MAML3: variants seen among roughly 807,000 people sequenced by gnomAD.
The protein encoded by MAML3 is mastermind-like protein 3.
Under a neutral mutation model 101.9 loss-of-function variants are expected in MAML3, and 27 were observed. The observed-to-expected ratio is 0.27, with a 90% CI of 0.20 to 0.37. The LOEUF (loss-of-function observed/expected upper bound fraction) is 0.37. Among genes scored for constraint, MAML3 ranks in the 10% least tolerant of loss-of-function variants. The probability of loss-of-function intolerance (pLI) is 1.00; values close to 1 mark genes in which losing one functional copy is unlikely to be tolerated. For missense variants in MAML3, 1,316 were observed against 1,444.9 expected (o/e 0.91, Z 1.45); for synonymous variants, 501 against 555.9 (o/e 0.90, Z 1.39).
intron 2 of MAML3, among the ~76,000 whole-genome samples, chr4:139,765,981 T>C (rs1249598304): frequency 6.6e-6 from 1 of 151,934 alleles, no homozygotes; most frequent in Non-Finnish European, 1.5e-5. Flanking sequence ...AGTGAGACCC[T>C]CTCTCAAAAT....
At chr4:139,804,600 G>A (rs1470405972) in intron 2 of MAML3, among the ~76,000 whole-genome samples, 1 of 152,134 alleles carries the variant, frequency 6.6e-6, no homozygotes, top group Non-Finnish European at 1.5e-5. Flanking sequence ...ATGGATCCCA[G>A]TAAGACTAGA....
At chr4:139,955,390 A>G (rs1041581593) in intron 1 of MAML3, among the ~76,000 whole-genome samples, 3 of 152,086 alleles carry the variant, frequency 2.0e-5, no homozygotes, top group Non-Finnish European at 4.4e-5. Flanking sequence ...AGAGGTATTC[A>G]ATTTAAATCC....
chr4:139,845,236 G>A (rs1304875212), intron 2 of MAML3, among the ~76,000 whole-genome samples: 1 of 152,194 alleles, frequency 6.6e-6, no homozygotes, highest in Non-Finnish European at 1.5e-5. Flanking sequence ...TGGGAAAGAA[G>A]AAGTGAGGGT....
In MAML3 at chr4:139,975,078, C is replaced by G. The variant is rs569962647; in HGVS notation, c.469-84111G>C. On this transcript the variant is annotated intron_variant, in intron 1 of 4. Coordinates refer to ENST00000509479, the MANE Select transcript of MAML3 (RefSeq NM_018717.5). Reference sequence around the variant, plus strand: ...GATCCTATTAACCTGCAAGTCAGATCACACCATTCTCTTCTCAGAGCCATC... The same window carrying G: ...GATCCTATTAACCTGCAAGTCAGATGACACCATTCTCTTCTCAGAGCCATC... Among the ~76,000 whole-genome samples the G allele has an allele frequency of 7.9e-5, 12 of 152,194 alleles. No homozygotes were observed. The East Asian group carries it at 1.2e-3, about 15-fold the overall frequency.
chr4:140,124,578 G>T (rs1364127670), intron 1 of MAML3, among the ~76,000 whole-genome samples: 4 of 152,072 alleles, frequency 2.6e-5, no homozygotes, highest in Non-Finnish European at 5.9e-5. Flanking sequence ...ATAAAATCTA[G>T]GTGAAAGAAT....
intron 1 of MAML3, among the ~76,000 whole-genome samples, chr4:139,920,418 G>A (rs1460177197): frequency 2.0e-5 from 3 of 152,206 alleles, no homozygotes; most frequent in Non-Finnish European, 4.4e-5. Context: ...AGGTGTGTCT[G>A]TGCACTGGTG....
intron 2 of MAML3, among the ~76,000 whole-genome samples, chr4:139,852,725 G>A (rs533797143): frequency 6.6e-6 from 1 of 152,236 alleles, no homozygotes; most frequent in South Asian, 2.1e-4. Context: ...TGGACTGTGT[G>A]TTTTTAATTG....
chr4:140,093,603 T>A (rs578205804), intron 1 of MAML3, among the ~76,000 whole-genome samples: 153 of 151,890 alleles, frequency 1.0e-3, no homozygotes, highest in African/African-American at 3.4e-3. Flanking sequence ...ATTTTTTTTT[T>A]ATTTTTAGTA....
chr4:139,780,066 T>C (rs1578597351), intron 2 of MAML3, among the ~76,000 whole-genome samples: 1 of 152,224 alleles, frequency 6.6e-6, no homozygotes, highest in Non-Finnish European at 1.5e-5. Flanking sequence ...CCTAGAGCCA[T>C]GCTGTCCGAG....
intron 2 of MAML3, among the ~76,000 whole-genome samples, chr4:139,847,403 G>A (rs933686046): frequency 2.0e-5 from 3 of 152,094 alleles, no homozygotes; most frequent in Non-Finnish European, 4.4e-5. Flanking sequence ...ACGGAATCCC[G>A]CAGTGCTTGT....
At chr4:140,111,707 C>T (rs903834280) in intron 1 of MAML3, among the ~76,000 whole-genome samples, 1 of 152,108 alleles carries the variant, frequency 6.6e-6, no homozygotes, top group South Asian at 2.1e-4. Flanking sequence ...TGGGAGAATA[C>T]CCCACTTGTA....
chr4:140,056,725 G>A (rs1460585407), intron 1 of MAML3, among the ~76,000 whole-genome samples: 2 of 151,116 alleles, frequency 1.3e-5, no homozygotes, highest in East Asian at 2.0e-4. Flanking sequence ...CAGGAGAATC[G>A]CTTGAACCCG....
Position 140,051,518 on chromosome 4 carries a change from C to T in MAML3, c.468+101342G>A, listed in dbSNP as rs530316536. Among the ~76,000 whole-genome samples, 22 of 151,238 alleles carry T rather than the reference C, an allele frequency of 1.5e-4. No homozygotes were observed. In the East Asian group the frequency reaches 1.9e-3, roughly 13 times the overall value. On this transcript the variant is annotated intron_variant, in intron 1 of 4. Transcript: ENST00000509479. ...GTTGCAGTGAGCCGAAATCGAGCTA[C>T]TGCACTCCAGCCTGAGTGACAGAGA...
In MAML3 at chr4:139,911,620, A is replaced by C. The variant is rs368887494; in HGVS notation, c.469-20653T>G. Among the ~76,000 whole-genome samples the C allele has an allele frequency of 8.5e-5, 13 of 152,284 alleles. 1 individual carries two copies. In the South Asian group the frequency reaches 2.7e-3, roughly 32 times the overall value. ...TCACATGTTGAAATCCTAACCCCCAAGGTGAGGGTATTAATATTAGGTAGG... is the reference window on the plus strand; with the variant it reads ...TCACATGTTGAAATCCTAACCCCCACGGTGAGGGTATTAATATTAGGTAGG... On this transcript the variant is annotated intron_variant, in intron 1 of 4. Coordinates refer to ENST00000509479, the MANE Select transcript of MAML3 (RefSeq NM_018717.5).
chr4:140,120,022 G>C (rs1728579494), intron 1 of MAML3, among the ~76,000 whole-genome samples: 1 of 152,004 alleles, frequency 6.6e-6, no homozygotes, highest in South Asian at 2.1e-4. Context: ...CGGATCACGA[G>C]GTCAGGAGAT....
chr4:140,087,415 T>C (rs537596457), intron 1 of MAML3, among the ~76,000 whole-genome samples: 1 of 152,382 alleles, frequency 6.6e-6, no homozygotes, highest in South Asian at 2.1e-4. Context: ...TGTTTCAGTT[T>C]CACTGGAAAT....
intron 1 of MAML3, among the ~76,000 whole-genome samples, chr4:140,050,891 A>G (rs1727257141): frequency 6.6e-6 from 1 of 152,218 alleles, no homozygotes; most frequent in Non-Finnish European, 1.5e-5. Flanking sequence ...TGAAAGTTTT[A>G]CTCAGTATCC....
intron 2 of MAML3, among the ~76,000 whole-genome samples, chr4:139,857,912 T>G (rs1435805655): frequency 6.6e-6 from 1 of 152,126 alleles, no homozygotes; most frequent in African/African-American, 2.4e-5. Flanking sequence ...CCAATTTCTT[T>G]CTCTCTCTCA....
At chr4:139,780,662 GCT>G (rs973312381) in intron 2 of MAML3, among the ~76,000 whole-genome samples, 13 of 132,714 alleles carry the variant, frequency 9.8e-5, no homozygotes, top group Non-Finnish European at 1.9e-4. Context: ...TCTCGCTCTT[GCT>G]CTGTCACCCA....
Sources: gnomAD v4.1 joint callset for allele counts (sites outside exome capture counted in the v4.1 genomes callset) on GRCh38, gnomAD v4.1.1 for gene constraint, MANE v1.5 for transcripts, NCBI Gene and HGNC (gene_info 2026-07-23, HGNC 2026-07-21) for gene names.